The following ZNF33B variants were observed in gnomAD, a reference collection of about 807,000 sequenced individuals.
ZNF33B encodes the protein zinc finger protein 33B, also known as zinc finger protein 11b (KOX 2).
Under a neutral mutation model 45.8 loss-of-function variants are expected in ZNF33B, and 29 were observed. The observed-to-expected ratio is 0.63, with a 90% CI of 0.47 to 0.86. The LOEUF is 0.86. Among genes scored for constraint, ZNF33B ranks in the 40% least tolerant of loss-of-function variants. The pLI is 0.00. For missense variants in ZNF33B, 831 were observed against 909.9 expected, an observed-to-expected ratio of 0.91 and a Z score of 1.12; for synonymous variants, 305 against 307.8, an observed-to-expected ratio of 0.99 and a Z score of 0.10.
At chr10:42,578,173 G>C (rs139513849) in intron 1 of ZNF33B, among the ~76,000 whole-genome samples, 2 of 152,210 alleles carry the variant, frequency 1.3e-5, no homozygotes, top group Non-Finnish European at 2.9e-5. Context: ...AAGCCAGGCT[G>C]AGCACAGGCC....
chr10:42,608,327 T>C (rs1283664947), intron 4 of ZNF33B, among the ~76,000 whole-genome samples: 4 of 152,038 alleles, frequency 2.6e-5, no homozygotes, highest in African/African-American at 9.6e-5. Flanking sequence ...AAACAGAAGA[T>C]ATAGATGACA....
rs749620414 is a variant in ZNF33B, at chr10:42,593,818, A to T, written c.1132T>A (p.Ser378Thr). 1.9e-6 allele frequency: 3 copies of T among 1,613,828 alleles called. No individual in the cohort carries two copies. The South Asian group carries it at 3.3e-5, about 18-fold the overall frequency. ...EKSNLTKHQRSHTGEKPFECN... is the reference protein window; with the variant it reads ...EKSNLTKHQRTHTGEKPFECN... ...TCAAAAGGTTTCTCCCCTGTGTGTG[A>T]TCTCTGATGTTTAGTGAGGTTTGAC... Residue 378 changes from serine (S) to threonine (T), a missense_variant, in exon 5 of 5, where the codon TCA (serine) becomes ACA (threonine). Ser to Thr is a moderately conservative substitution (Grantham distance 58). Transcript: ENST00000359467.
chr10:42,599,013 G>A (rs539051252), intron 4 of ZNF33B, among the ~76,000 whole-genome samples: 1 of 152,212 alleles, frequency 6.6e-6, no homozygotes, highest in Admixed American at 6.5e-5. Flanking sequence ...GGGACCTGGG[G>A]TTTTCTTTGT....
rs773332598 is a variant in ZNF33B at position 42,632,374 on chromosome 10, C to T, written c.75G>A (p.Glu25=). ...KDVTVGFTQE[E]WQHLDPSQRA... ...TCTGACTAGGGTCCAGGTGCTGCCA[C>T]TCCTCCTGGGTGAAGCCCACAGTCA... is the stretch of plus-strand genomic sequence containing the variant. The change falls in exon 3 of 5, where the codon GAG becomes GAA. Residue 25 remains glutamate (E), a synonymous_variant. Coordinates refer to ENST00000359467, the MANE Select transcript of ZNF33B (RefSeq NM_006955.3). The T allele has an allele frequency of 1.2e-6, 2 of 1,613,918 alleles. No homozygotes were observed. The highest frequency in any genetic ancestry group is 1.7e-5 in the Admixed American group (1 of 59,944).
In ZNF33B at chr10:42,593,527, C is replaced by G. The variant is rs373732856; in HGVS notation, c.1423G>C (p.Gly475Arg). The change falls in exon 5 of 5, where the codon GGG becomes CGG. Residue 475 changes from glycine to arginine, a missense_variant. Coordinates refer to ENST00000359467, the MANE Select transcript of ZNF33B (RefSeq NM_006955.3). ...GEKPFECLEC[G>R]KSFCQKSHLT... ...TGTGACTTTTGACAAAAGGATTTCCCACACTCAAGACATTCAAAAGGTTTC... is the reference window on the plus strand; with the variant it reads ...TGTGACTTTTGACAAAAGGATTTCCGACACTCAAGACATTCAAAAGGTTTC... The G allele has an allele frequency of 8.7e-6, 14 of 1,613,854 alleles. No individual in the cohort carries two copies. The highest frequency in any genetic ancestry group is 1.1e-5 in the Non-Finnish European group (13 of 1,179,986).
intron 4 of ZNF33B, among the ~76,000 whole-genome samples, chr10:42,623,193 G>A (rs1378236784): frequency 6.6e-6 from 1 of 152,356 alleles, no homozygotes; most frequent in South Asian, 2.1e-4. Context: ...CTTGAACACA[G>A]GAGGCAGAGG....
chr10:42,603,949 C>T (rs972623990), intron 4 of ZNF33B, among the ~76,000 whole-genome samples: 1 of 152,204 alleles, frequency 6.6e-6, no homozygotes, highest in Non-Finnish European at 1.5e-5. Context: ...GAAACAACAA[C>T]AAGCCCTAGA....
At chr10:42,584,068 C>T (rs188183186) in intron 1 of ZNF33B, among the ~76,000 whole-genome samples, 2 of 152,346 alleles carry the variant, frequency 1.3e-5, no homozygotes, top group East Asian at 1.9e-4. Flanking sequence ...TGTACCAGCC[C>T]TTCCTCCACT....
At chr10:42,596,247 G>A (rs1837394901) in intron 4 of ZNF33B, among the ~76,000 whole-genome samples, 1 of 151,678 alleles carries the variant, frequency 6.6e-6, no homozygotes, top group African/African-American at 2.4e-5. Context: ...ATGAACCTGG[G>A]AAAACTGTTC....
intron 2 of ZNF33B, among the ~76,000 whole-genome samples, chr10:42,636,550 G>A (rs1413868497): frequency 9.9e-5 from 15 of 152,192 alleles, no homozygotes; most frequent in African/African-American, 2.9e-4. Flanking sequence ...GGCCAGGCAC[G>A]GTGGCTCACA....
In ZNF33B at chr10:42,589,491, C is replaced by T. The variant is rs1376825752; in HGVS notation, c.*3122G>A. 2.0e-5 allele frequency: 3 copies of T among 152,228 alleles called. No homozygotes were observed. The highest frequency in any genetic ancestry group is 6.5e-5 in the Admixed American group (1 of 15,278). The allele number at this position is 152,228 out of a possible 1,614,324, so 9.4% of individuals were successfully genotyped here. A position where few individuals can be genotyped will look rare whatever the true frequency, so the allele number is the denominator to read the frequency against. Reference sequence around the variant, plus strand: ...CTCTCAGCAACCACTGGTCCTTTGACTCGCTCGATAGTTTTGCCTCTCCCA... The same window carrying T: ...CTCTCAGCAACCACTGGTCCTTTGATTCGCTCGATAGTTTTGCCTCTCCCA... On this transcript the variant is annotated 3_prime_UTR_variant, in exon 5 of 5. Transcript: ENST00000359467.
downstream of ZNF33B, among the ~76,000 whole-genome samples, chr10:42,584,524 G>GT (rs1836890559): frequency 6.6e-6 from 1 of 150,376 alleles, no homozygotes; most frequent in Non-Finnish European, 1.5e-5. Flanking sequence ...TTTCCTTTGA[G>GT]CTTTTTTTTT....
intron 2 of ZNF33B, among the ~76,000 whole-genome samples, chr10:42,636,324 A>G (rs1422989507): frequency 6.6e-6 from 1 of 152,146 alleles, no homozygotes; most frequent in East Asian, 1.9e-4. Context: ...CAAAAAAGGT[A>G]TCTGCCAGGA....
rs1837247193 is a variant in ZNF33B at position 42,593,546 on chromosome 10, AGGTTTCTCACCTGTGTGAGTTCTCT to A, written c.1379_1403del (p.Gln460LeufsTer25). On this transcript the variant is annotated frameshift_variant, in exon 5 of 5. Transcript: ENST00000359467. LOFTEE classifies it high-confidence loss of function. The stretch of plus-strand genomic sequence containing the variant: ...ATTTCCCACACTCAAGACATTCAAA[AGGTTTCTCACCTGTGTGAGTTCTCT>A]GGTGTACTGTAAGGTGTGAATTCAT... 1 of 1,613,734 alleles carries A rather than the reference AGGTTTCTCACCTGTGTGAGTTCTCT, an allele frequency of 6.2e-7. No individual in the cohort carries two copies. The highest frequency in any genetic ancestry group is 8.5e-7 in the Non-Finnish European group (1 of 1,179,964).
At chr10:42,602,207 G>T (rs1265882402) in intron 4 of ZNF33B, among the ~76,000 whole-genome samples, 3 of 151,938 alleles carry the variant, frequency 2.0e-5, no homozygotes, top group Non-Finnish European at 4.4e-5. Context: ...CATTACAGGT[G>T]TGAGACACCA....
chr10:42,618,906 T>A (rs1838448079), intron 4 of ZNF33B, among the ~76,000 whole-genome samples: 1 of 152,202 alleles, frequency 6.6e-6, no homozygotes, highest in Admixed American at 6.5e-5. Context: ...CAATATACAT[T>A]GATCTGCACC....
intron 2 of ZNF33B, among the ~76,000 whole-genome samples, chr10:42,635,638 T>C (rs1485860939): frequency 2.8e-4 from 41 of 143,956 alleles, no homozygotes; most frequent in South Asian, 6.7e-4. Flanking sequence ...GGTGAAACCC[T>C]GTCTCTACTA....
chr10:42,574,823 ATAC>A (rs1836723996), intron 1 of ZNF33B: 1 of 152,174 alleles, frequency 6.6e-6, no homozygotes, highest in Non-Finnish European at 1.5e-5. Flanking sequence ...AGCACAGAGG[ATAC>A]CTGTGGAAAA....
chr10:42,622,775 G>A (rs1468229673), intron 4 of ZNF33B, among the ~76,000 whole-genome samples: 1 of 151,982 alleles, frequency 6.6e-6, no homozygotes, highest in African/African-American at 2.4e-5. Flanking sequence ...AATGATGCTG[G>A]GTTAACTGGA....
Sources: allele counts gnomAD v4.1 joint callset (sites outside exome capture counted in the v4.1 genomes callset), GRCh38; gene constraint gnomAD v4.1.1; transcripts MANE v1.5; gene names NCBI Gene and HGNC (gene_info 2026-07-23, HGNC 2026-07-21).